CLTC: variants seen among roughly 807,000 people sequenced by gnomAD.
CLTC encodes clathrin heavy chain 1.
In CLTC, 16 loss-of-function variants were observed where a neutral mutation model predicts 195.8. The observed-to-expected ratio is 0.08, with a 90% CI of 0.06 to 0.12. The LOEUF (loss-of-function observed/expected upper bound fraction) is 0.12. Among genes scored for constraint, CLTC ranks in the 10% least tolerant of loss-of-function variants. The pLI is 1.00. For missense variants in CLTC, 796 were observed against 2,027.0 expected (o/e 0.39, Z 11.66); for synonymous variants, 667 against 689.4 (o/e 0.97, Z 0.51).
intron 1 of CLTC, among the ~76,000 whole-genome samples, chr17:59,621,969 G>A (rs904431854): frequency 6.6e-6 from 1 of 152,140 alleles, no homozygotes. Flanking sequence ...TATTTTCCAC[G>A]GCAGATGTGT....
chr17:59,620,885 C>T (rs1179968891), intron 1 of CLTC, among the ~76,000 whole-genome samples: 3 of 152,146 alleles, frequency 2.0e-5, no homozygotes, highest in African/African-American at 4.8e-5. Context: ...CCCCTTCCCC[C>T]TTTTTTTATT....
intron 4 of CLTC, 36 bp from the exon 5 acceptor site, chr17:59,651,167 A>G (rs780630769): frequency 7.6e-7 from 1 of 1,314,394 alleles, no homozygotes; most frequent in East Asian, 2.3e-5. Context: ...CTGCTAATGT[A>G]TAGGTTTATA....
At chr17:59,630,026 C>G (rs180869357) in intron 1 of CLTC, among the ~76,000 whole-genome samples, 1 of 151,754 alleles carries the variant, frequency 6.6e-6, no homozygotes, top group Non-Finnish European at 1.5e-5. Flanking sequence ...TTTTTTGAGA[C>G]AGGGTCTTGC....
rs767282650 is a variant in CLTC, at chr17:59,685,653, T to C, written c.4672T>C (p.Leu1558=). The C allele has an allele frequency of 8.7e-5, 140 of 1,613,992 alleles. 1 individual carries two copies. In the South Asian group the frequency reaches 1.5e-3, roughly 17 times the overall value. ...ELAEELLQWF[L]QEEKRECFGA... ...GGCTGAAGAACTCCTGCAGTGGTTT[T>C]TGCAGGAAGAAAAAAGAGAGTGCTT... The change falls in exon 30 of 32, where the codon TTG becomes CTG. Residue 1558 remains leucine (L), a synonymous_variant. Coordinates refer to ENST00000269122, the MANE Select transcript of CLTC (RefSeq NM_004859.4). The surrounding 1 kb of genome is among the most constrained non-coding windows in gnomAD (Gnocchi z 5.0).
intron 30 of CLTC, chr17:59,686,881 C>A: frequency 2.0e-6 from 1 of 495,636 alleles, no homozygotes; most frequent in Non-Finnish European, 2.6e-6. Context: ...TTTCACTTCT[C>A]TCATACCTTT....
intron 10 of CLTC, among the ~76,000 whole-genome samples, 167 bp from the exon 11 acceptor site, chr17:59,665,933 GTTT>G (rs1221184650): frequency 1.3e-5 from 2 of 152,168 alleles, no homozygotes; most frequent in Non-Finnish European, 2.9e-5. Context: ...TTTTGTAGTT[GTTT>G]TTATCAGAAC....
At chr17:59,642,322 G>A (rs1211219975) in intron 1 of CLTC, among the ~76,000 whole-genome samples, 2 of 152,070 alleles carry the variant, frequency 1.3e-5, no homozygotes, top group Non-Finnish European at 2.9e-5. Flanking sequence ...TTTTTACTCC[G>A]ACTTCCTCAA....
chr17:59,641,048 G>A (rs1000662503), intron 1 of CLTC, among the ~76,000 whole-genome samples: 3 of 151,348 alleles, frequency 2.0e-5, no homozygotes, highest in African/African-American at 7.3e-5. Context: ...GAACTGGGGA[G>A]GTAGAGGTTG....
chr17:59,664,442 T>C (rs1013622118), intron 9 of CLTC, among the ~76,000 whole-genome samples: 1 of 151,216 alleles, frequency 6.6e-6, no homozygotes, highest in African/African-American at 2.4e-5. Flanking sequence ...TCTTAGCTAC[T>C]CAGGAGGCCA....
In CLTC at chr17:59,620,187, C is replaced by T; in HGVS notation, c.42+14C>T. ...GAGCATCTCCAGGTGCGGCCGGGCC[C>T]GGGCTGGTGAGGGCTGTGGAGAAGG... On this transcript the variant is annotated intron_variant, in intron 1 of 31. Coordinates refer to ENST00000269122, the MANE Select transcript of CLTC (RefSeq NM_004859.4). 6.8e-6 allele frequency: 11 copies of T among 1,613,842 alleles called. No homozygotes were observed. Among genetic ancestry groups the T allele is most frequent in the Non-Finnish European group, 9.3e-6 (11 of 1,179,860 alleles).
At chr17:59,644,665 C>T (rs1421072628) in intron 2 of CLTC, among the ~76,000 whole-genome samples, 182 bp downstream of exon 2, 2 of 152,042 alleles carry the variant, frequency 1.3e-5, no homozygotes, top group Non-Finnish European at 2.9e-5. Flanking sequence ...ATTCTCTTGC[C>T]TCAGCCTCCC....
chr17:59,693,404 T>C (rs2033354676), intron 31 of CLTC, among the ~76,000 whole-genome samples: 1 of 151,778 alleles, frequency 6.6e-6, no homozygotes, highest in African/African-American at 2.4e-5. Context: ...AAAAATTCTT[T>C]TATTGTGCTG....
At chr17:59,632,231 G>A (rs964213377) in intron 1 of CLTC, among the ~76,000 whole-genome samples, 5 of 151,918 alleles carry the variant, frequency 3.3e-5, no homozygotes, top group Non-Finnish European at 7.4e-5. Context: ...AGCTGGGCGC[G>A]GTGGCGGGTG....
At chr17:59,678,108 T>C (rs2033005062) in intron 17 of CLTC, among the ~76,000 whole-genome samples, 1 of 152,238 alleles carries the variant, frequency 6.6e-6, no homozygotes, top group African/African-American at 2.4e-5. Context: ...GTGTCTCACT[T>C]TGAGTTCCTC....
rs151099413 is a variant in CLTC at position 59,652,483 on chromosome 17, T to C, written c.795+1167T>C. ...AAGACTTGTAAGTCAAAATTACTTC[T>C]TTGGTCCATAGGCTTCAGAGTGGAT... On this transcript the variant is annotated intron_variant, in intron 5 of 31. Coordinates refer to ENST00000269122, the MANE Select transcript of CLTC (RefSeq NM_004859.4). Among the ~76,000 whole-genome samples the C allele has an allele frequency of 2.6e-4, 40 of 152,374 alleles. 1 individual carries two copies. The East Asian group carries it at 7.7e-3, about 29-fold the overall frequency.
At position 59,681,180 on chromosome 17, in the gene CLTC, C is replaced by G. The variant is rs1304060940; in HGVS notation, c.3066-115C>G. ...GCCTGAATTCTCACTCTTCTAATAT[C>G]CTCCCCCCTACCCTACCTCTTGAGA... On this transcript the variant is annotated intron_variant, in intron 19 of 31. Coordinates refer to ENST00000269122, the MANE Select transcript of CLTC (RefSeq NM_004859.4). The surrounding 1 kb of genome is among the most constrained non-coding windows in gnomAD (Gnocchi z 5.0). 3.5e-6 allele frequency: 5 copies of G among 1,440,644 alleles called. No homozygotes were observed. The highest frequency in any genetic ancestry group is 1.4e-5 in the African/African-American group (1 of 70,294). The allele number at this position is 1,440,644 out of a possible 1,614,324, so 89.2% of individuals were successfully genotyped here.
chr17:59,621,007 C>A (rs750737537), intron 1 of CLTC, among the ~76,000 whole-genome samples: 2 of 152,104 alleles, frequency 1.3e-5, no homozygotes, highest in Non-Finnish European at 2.9e-5. Context: ...TTTTGAATAT[C>A]TTCTTCAGGA....
chr17:59,621,120 T>C (rs938011129), intron 1 of CLTC, among the ~76,000 whole-genome samples: 2 of 152,218 alleles, frequency 1.3e-5, no homozygotes, highest in Non-Finnish European at 2.9e-5. Context: ...TCTAGAGTTC[T>C]TCCCCATGGT....
At position 59,682,585 on chromosome 17, in the gene CLTC, C is replaced by T; in HGVS notation, c.3601-44C>T. On this transcript the variant is annotated intron_variant, in intron 22 of 31. Coordinates refer to ENST00000269122, the MANE Select transcript of CLTC (RefSeq NM_004859.4). This position sits in a 1 kb window ranked among gnomAD's most constrained non-coding sequence, Gnocchi z 6.8. ...ATCAATTTGAAAAGAGGATTAAGCT[C>T]ACACTAATATCTTGCTGAATGTGGG... is the stretch of plus-strand genomic sequence containing the variant. 6.2e-7 allele frequency: 1 copy of T among 1,603,028 alleles called. No homozygotes were observed. Among genetic ancestry groups the T allele is most frequent in the South Asian group, 1.1e-5 (1 of 90,254 alleles).
Sources: allele counts gnomAD v4.1 joint callset (sites outside exome capture counted in the v4.1 genomes callset), GRCh38; gene constraint gnomAD v4.1.1; non-coding constraint Gnocchi (gnomAD v3.1); transcripts MANE v1.5; gene names NCBI Gene and HGNC (gene_info 2026-07-23, HGNC 2026-07-21).